The following PLXNB2 variants were observed in gnomAD, a reference collection of about 807,000 sequenced individuals.
PLXNB2 encodes the protein plexin-B2.
In PLXNB2, 85 loss-of-function variants were observed where a neutral mutation model predicts 202.6. That is an observed-to-expected ratio of 0.42 (90% CI 0.35 to 0.50). The LOEUF (loss-of-function observed/expected upper bound fraction) is 0.50, where lower values mean the gene tolerates loss of function less well. PLXNB2 is among the 20% of genes least tolerant of loss of function. The pLI is 0.02. For missense variants in PLXNB2, 2,063 were observed against 2,586.2 expected (o/e 0.80, Z 4.39); for synonymous variants, 1,239 against 1,137.6 (o/e 1.09, Z -1.79).
At position 50,280,059 on chromosome 22, in the gene PLXNB2, C is replaced by A; in HGVS notation, c.4188G>T (p.Val1396=). The part of the protein sequence containing the change: ...PKLMLRRSET[V]VERMLSNWMS... ...TCCAGTTGGACAGCATCCTCTCCAC[C>A]ACAGTCTCAGACCTGGGGGTGCAGG... Residue 1396 remains valine (V), a synonymous_variant, in exon 26 of 37, where the codon GTG becomes GTT. Coordinates refer to ENST00000359337, the MANE Select transcript of PLXNB2 (RefSeq NM_012401.4). 6.2e-7 allele frequency: 1 copy of A among 1,609,052 alleles called. No homozygotes were observed. The highest frequency in any genetic ancestry group is 8.5e-7 in the Non-Finnish European group (1 of 1,177,722).
At position 50,280,887 on chromosome 22, in the gene PLXNB2, C is replaced by T. The variant is rs1212849563; in HGVS notation, c.3850G>A (p.Val1284Ile). ...VLDYKTYTDRVFFLPSKDGDK... is the reference protein window; with the variant it reads ...VLDYKTYTDRIFFLPSKDGDK... ...CCGTCCTTGGAGGGCAGGAAGAAGA[C>T]GCGGTCGGTGTAGGTCTTGTAGTCC... The change falls in exon 24 of 37, where the codon GTC becomes ATC. Residue 1284 changes from valine (V) to isoleucine (I), a missense_variant. This residue lies in a region of PLXNB2 where 760 missense variants were observed against 1,109.4 expected (regional missense o/e 0.69). Transcript: ENST00000359337. 1.9e-6 allele frequency: 3 copies of T among 1,613,576 alleles called. No individual in the cohort carries two copies. The highest frequency in any genetic ancestry group is 2.2e-5 in the East Asian group (1 of 44,884).
chr22:50,286,052 G>A lies in PLXNB2; in HGVS notation c.1924C>T (p.Arg642Cys), dbSNP rs752612256. ...GAAGCCTCCCGGCACTCGTGGTAGC[G>A]CAGGTCCCACTGGCAGGTCCAGCGG... ...SNRWTCQWDLRYHECREASPN... is the reference protein window; with the variant it reads ...SNRWTCQWDLCYHECREASPN... The change falls in exon 10 of 37, where the codon CGC (arginine) becomes TGC (cysteine). Residue 642 changes from arginine to cysteine, a missense_variant. Physicochemically the swap from Arg to Cys is radical, Grantham distance 180. Transcript: ENST00000359337. 3.0e-5 allele frequency: 49 copies of A among 1,612,228 alleles called. No homozygotes were observed. The highest frequency in any genetic ancestry group is 6.7e-5 in the African/African-American group (5 of 74,946).
chr22:50,302,100 G>A (rs976977947), intron 1 of PLXNB2, among the ~76,000 whole-genome samples: 5 of 152,236 alleles, frequency 3.3e-5, no homozygotes, highest in African/African-American at 1.2e-4. Flanking sequence ...GAGGGGCCAT[G>A]TGTGGCATGG....
At chr22:50,296,480 C>T (rs916215541) in intron 1 of PLXNB2, among the ~76,000 whole-genome samples, 1 of 151,284 alleles carries the variant, frequency 6.6e-6, no homozygotes, top group East Asian at 1.9e-4. Flanking sequence ...GTGGCTCACG[C>T]CTGTAATCCC....
In PLXNB2 at chr22:50,280,444, G is replaced by A. The variant is rs115482689; in HGVS notation, c.4175+45C>T. ...CCGCCACCAGCCCCAGAGCCCCTGCGGCCGCCCCGCCCGTGGCCCCGCTCG... is the reference window on the plus strand; with the variant it reads ...CCGCCACCAGCCCCAGAGCCCCTGCAGCCGCCCCGCCCGTGGCCCCGCTCG... On this transcript the variant is annotated intron_variant, in intron 25 of 36. Transcript: ENST00000359337. The A allele has an allele frequency of 7.3e-3, 11,207 of 1,542,438 alleles. 715 individuals carry two copies. The African/African-American group carries it at 0.14, about 19-fold the overall frequency.
In PLXNB2 at chr22:50,300,405, T is replaced by C. The variant is rs1036421916; in HGVS notation, c.-73-5627A>G. Reference sequence around the variant, plus strand: ...CCGTGCCCCCGGTCGGTCTCAGGGCTCGGCCCCTCCCGGCCCAGCTGCCAA... The same window carrying C: ...CCGTGCCCCCGGTCGGTCTCAGGGCCCGGCCCCTCCCGGCCCAGCTGCCAA... On this transcript the variant is annotated intron_variant, in intron 1 of 36. Transcript: ENST00000359337. 31 of 800,656 alleles carry C rather than the reference T, an allele frequency of 3.9e-5. No homozygotes were observed. In the African/African-American group the frequency reaches 5.8e-4, roughly 15 times the overall value. The allele number at this position is 800,656 out of a possible 1,614,324, so 49.6% of individuals were successfully genotyped here.
intron 10 of PLXNB2, 26 bp downstream of exon 10, chr22:50,285,964 T>A: frequency 6.2e-7 from 1 of 1,607,372 alleles, no homozygotes; most frequent in Non-Finnish European, 8.5e-7. Flanking sequence ...CCCTGAACAG[T>A]CCCCTGAGGC....
rs769706219 is a variant in PLXNB2 at position 50,284,649 on chromosome 22, A to G, written c.2105T>C (p.Val702Ala). Residue 702 changes from valine to alanine, a missense_variant, in exon 12 of 37, where the codon GTG becomes GCG. By Grantham distance (64) the Val-to-Ala change is moderately conservative. This residue lies in a region of PLXNB2 where 1,303 missense variants were observed against 1,476.8 expected (regional missense o/e 0.88). Transcript: ENST00000359337. This position sits in a 1 kb window ranked among gnomAD's most constrained non-coding sequence, Gnocchi z 8.0. ...LDTVKGSSLH[V>A]GSDLLKFMEP... is the part of the protein sequence containing the mutation. ...CATGAACTTGAGCAAGTCACTGCCCACGTGCAGGGAGGAACCCTGCAGACC... is the reference window on the plus strand; with the variant it reads ...CATGAACTTGAGCAAGTCACTGCCCGCGTGCAGGGAGGAACCCTGCAGACC... 10 of 1,612,506 alleles carry G rather than the reference A, an allele frequency of 6.2e-6. No homozygotes were observed. The South Asian group carries it at 1.1e-4, about 18-fold the overall frequency.
chr22:50,283,846 G>A lies in PLXNB2; in HGVS notation c.2408C>T (p.Pro803Leu). 1 of 1,609,980 alleles carries A rather than the reference G, an allele frequency of 6.2e-7. No homozygotes were observed. Among genetic ancestry groups the A allele is most frequent in the Non-Finnish European group, 8.5e-7 (1 of 1,177,772 alleles). The change falls in exon 14 of 37, where the codon CCC becomes CTC. Residue 803 changes from proline to leucine, a missense_variant. Physicochemically the swap from Pro to Leu is moderately conservative, Grantham distance 98. This residue lies in a region of PLXNB2 where 1,303 missense variants were observed against 1,476.8 expected (regional missense o/e 0.88). Transcript: ENST00000359337. Reference sequence around the variant, plus strand: ...CGAGGGGCTCACCCTGGTGATGACGGGCGGCGGGCACTCGGAGGTGGTGTT... The same window carrying A: ...CGAGGGGCTCACCCTGGTGATGACGAGCGGCGGGCACTCGGAGGTGGTGTT... ...LCNTTSECPP[P>L]VITRIQPETG...
chr22:50,281,158 C>T lies in PLXNB2; in HGVS notation c.3694G>A (p.Glu1232Lys), dbSNP rs1192542607. The T allele has an allele frequency of 1.2e-6, 2 of 1,613,218 alleles. No individual in the cohort carries two copies. Among genetic ancestry groups the T allele is most frequent in the African/African-American group, 1.3e-5 (1 of 75,060 alleles). ...RKSQQAEREY[E>K]KIKSQLEGLE... ...CCCTCCAGCTGGGACTTGATCTTCT[C>T]ATACTCTCGTTCGGCCTGCTGGCTC... Residue 1232 changes from glutamate (E) to lysine (K), a missense_variant, in exon 23 of 37, where the codon GAG becomes AAG. Physicochemically the swap from Glu to Lys is moderately conservative, Grantham distance 56. This residue lies in a region of PLXNB2 where 760 missense variants were observed against 1,109.4 expected (regional missense o/e 0.69). Transcript: ENST00000359337.
intron 1 of PLXNB2, among the ~76,000 whole-genome samples, chr22:50,304,372 T>G (rs1198152169): frequency 2.0e-5 from 3 of 152,114 alleles, no homozygotes; most frequent in Non-Finnish European, 2.9e-5. Flanking sequence ...GCCAATCCCT[T>G]CACACGCTTG....
intron 1 of PLXNB2, among the ~76,000 whole-genome samples, chr22:50,306,372 T>G (rs2067882470): frequency 6.6e-6 from 1 of 152,202 alleles, no homozygotes. Context: ...AACCTATGCC[T>G]GCTGGCCCTG....
rs2147437653 is a variant in PLXNB2, at chr22:50,284,513, CCCCA to C, written c.2181+56_2181+59del. 20 of 1,323,794 alleles carry C rather than the reference CCCCA, an allele frequency of 1.5e-5. No homozygotes were observed. Among genetic ancestry groups the C allele is most frequent in the East Asian group, 5.0e-5 (2 of 40,358 alleles). The allele number at this position is 1,323,794 out of a possible 1,614,324, so 82.0% of individuals were successfully genotyped here. A position where few individuals can be genotyped will look rare whatever the true frequency, so the allele number is the denominator to read the frequency against. On this transcript the variant is annotated intron_variant, in intron 12 of 36. Transcript: ENST00000359337. This position sits in a 1 kb window ranked among gnomAD's most constrained non-coding sequence, Gnocchi z 8.0. The stretch of plus-strand genomic sequence containing the variant: ...TCCCCTCACAGTCCTGAAGGTGACC[CCCCA>C]CCCCACCCGGGGCCCTGGGGTCCAG...
chr22:50,286,183 C>G lies in PLXNB2; in HGVS notation c.1867G>C (p.Glu623Gln). 1 of 1,612,946 alleles carries G rather than the reference C, an allele frequency of 6.2e-7. No individual in the cohort carries two copies. Among genetic ancestry groups the G allele is most frequent in the African/African-American group, 1.3e-5 (1 of 75,052 alleles). Residue 623 changes from glutamate to glutamine, a missense_variant, in exon 9 of 37, where the codon GAG (glutamate) becomes CAG (glutamine). This residue lies in a region of PLXNB2 where 1,303 missense variants were observed against 1,476.8 expected (regional missense o/e 0.88). Coordinates refer to ENST00000359337, the MANE Select transcript of PLXNB2 (RefSeq NM_012401.4). ...GCACAAGACACTCACGGCAGGTTCT[C>G]CTCCAGGCTCATGGCCTGGCGGCAG... ...YDCRQAMSLE[E>Q]NLPCISCVSN...
At position 50,278,032 on chromosome 22, in the gene PLXNB2, C is replaced by T. The variant is rs753197625; in HGVS notation, c.4888-19G>A. The T allele has an allele frequency of 1.1e-5, 17 of 1,608,690 alleles. No homozygotes were observed. Among genetic ancestry groups the T allele is most frequent in the Non-Finnish European group, 1.4e-5 (17 of 1,176,884 alleles). ...GTGTGCCCTGTGGGGGGGAGGGTCT[C>T]AGCGTGACGCCGTGGGCGCGGCTCC... On this transcript the variant is annotated intron_variant, in intron 31 of 36. Coordinates refer to ENST00000359337, the MANE Select transcript of PLXNB2 (RefSeq NM_012401.4).
chr22:50,286,337 G>T, intron 8 of PLXNB2, 50 bp from the exon 9 acceptor site: 2 of 1,313,692 alleles, frequency 1.5e-6, no homozygotes. Context: ...CAGGGCCGAG[G>T]GCCAGGCTGG....
At chr22:50,277,053 T>C (rs576812664) in intron 33 of PLXNB2, 147 bp from the exon 34 acceptor site, 2 of 637,894 alleles carry the variant, frequency 3.1e-6, no homozygotes, top group Admixed American at 2.5e-5. Flanking sequence ...AGGCCTGTAA[T>C]CCTAGCACTT....
rs185192622 is a variant in PLXNB2, at chr22:50,293,390, C to T, written c.-14+1329G>A. ...CGCCCCTCCCCTACCCACAGCCACC[C>T]GGGGGCAGGTCCCGCAGGCCCCCGC... On this transcript the variant is annotated intron_variant, in intron 2 of 36. Transcript: ENST00000359337. Among the ~76,000 whole-genome samples the T allele has an allele frequency of 8.7e-3, 1,331 of 152,308 alleles. 31 individuals carry two copies. Among genetic ancestry groups the T allele is most frequent in the African/African-American group, 0.03 (1,253 of 41,564 alleles).
At position 50,288,175 on chromosome 22, in the gene PLXNB2, T is replaced by C. The variant is rs2066608555; in HGVS notation, c.1381-138A>G. On this transcript the variant is annotated intron_variant, in intron 5 of 36. Coordinates refer to ENST00000359337, the MANE Select transcript of PLXNB2 (RefSeq NM_012401.4). This position sits in a 1 kb window ranked among gnomAD's most constrained non-coding sequence, Gnocchi z 5.0. ...AGCCTCAGACACCTCAGGCTTGATA[T>C]TAAACAGTTCTGGCTCTGGGTGGCC... 2 of 648,954 alleles carry C rather than the reference T, an allele frequency of 3.1e-6. No individual in the cohort carries two copies. Among genetic ancestry groups the C allele is most frequent in the Non-Finnish European group, 5.3e-6 (2 of 374,862 alleles). 40.2% of individuals were successfully genotyped at this position (648,954 alleles called of 1,614,324 possible). A position where few individuals can be genotyped will look rare whatever the true frequency, so the allele number is the denominator to read the frequency against.
Sources: allele counts gnomAD v4.1 joint callset (sites outside exome capture counted in the v4.1 genomes callset), GRCh38; gene constraint gnomAD v4.1.1; regional missense constraint gnomAD v4.1.1; non-coding constraint Gnocchi (gnomAD v3.1); transcripts MANE v1.5; gene names NCBI Gene and HGNC (gene_info 2026-07-23, HGNC 2026-07-21).